The following PCLO variants were observed in gnomAD, a reference collection of about 807,000 sequenced individuals.
The protein encoded by PCLO is piccolo presynaptic cytomatrix protein, also known as protein piccolo.
PCLO carries 82 observed loss-of-function variants against 427.5 expected under a neutral mutation model. The ratio of observed to expected loss-of-function variants is 0.19; its 90% CI spans 0.16 to 0.23. The LOEUF (loss-of-function observed/expected upper bound fraction) is 0.23. Ranked by LOEUF, PCLO falls within the 10% of genes least tolerant of loss-of-function variation. The pLI is 1.00. For synonymous variants in PCLO, 2,357 were observed against 2,155.4 expected (o/e 1.09, Z -2.59); for missense variants, 6,239 against 6,115.9 (o/e 1.02, Z -0.67).
At chr7:82,991,999 C>T (rs1210598351) in intron 3 of PCLO, among the ~76,000 whole-genome samples, 3 of 152,094 alleles carry the variant, frequency 2.0e-5, no homozygotes, top group Non-Finnish European at 4.4e-5. Flanking sequence ...GGGACTCAGA[C>T]ATCTTCTTTT....
At chr7:83,039,847 T>C (rs1788928423) in intron 3 of PCLO, among the ~76,000 whole-genome samples, 1 of 152,150 alleles carries the variant, frequency 6.6e-6, no homozygotes, top group Non-Finnish European at 1.5e-5. Flanking sequence ...TGTCTTTCAG[T>C]AATGTTTTGT....
chr7:82,796,515 T>C (rs1001600232), intron 22 of PCLO, among the ~76,000 whole-genome samples: 4 of 152,184 alleles, frequency 2.6e-5, no homozygotes, highest in Non-Finnish European at 5.9e-5. Context: ...CTTGTTCAAC[T>C]TTCAAAGCAG....
At position 82,845,352 on chromosome 7, in the gene PCLO, T is replaced by C. The variant is rs762444449; in HGVS notation, c.13965A>G (p.Thr4655=). 5.6e-6 allele frequency: 9 copies of C among 1,613,494 alleles called. No individual in the cohort carries two copies. Among genetic ancestry groups the C allele is most frequent in the Non-Finnish European group, 7.6e-6 (9 of 1,179,636 alleles). Residue 4655 remains threonine (T), a synonymous_variant, in exon 13 of 25, where the codon ACA becomes ACG. Coordinates refer to ENST00000333891, the MANE Select transcript of PCLO (RefSeq NM_033026.6). ...TGGGAACGGAACTGGATCCTGCTGA[T>C]GTAGGACCTGAATGAACATGAGATC... The part of the protein sequence containing the change: ...EKGSHVHSGP[T]SAGSSSVPSP...
At chr7:83,109,515 C>A (rs1218162099) in intron 3 of PCLO, among the ~76,000 whole-genome samples, 1 of 152,166 alleles carries the variant, frequency 6.6e-6, no homozygotes, top group East Asian at 1.9e-4. Context: ...ATCTTTCCAG[C>A]TGTCTGGCTT....
intron 20 of PCLO, among the ~76,000 whole-genome samples, chr7:82,811,536 A>G (rs1376953215): frequency 6.6e-6 from 1 of 151,598 alleles, no homozygotes; most frequent in Non-Finnish European, 1.5e-5. Flanking sequence ...TGCCAGCATT[A>G]TTTGGAATGT....
At chr7:83,099,644 G>A (rs1790686779) in intron 3 of PCLO, among the ~76,000 whole-genome samples, 1 of 152,086 alleles carries the variant, frequency 6.6e-6, no homozygotes, top group Non-Finnish European at 1.5e-5. Flanking sequence ...ACCGGCCTCG[G>A]CCTCCTGAAG....
chr7:83,057,760 T>C (rs949451954), intron 3 of PCLO, among the ~76,000 whole-genome samples: 24 of 152,044 alleles, frequency 1.6e-4, no homozygotes, highest in African/African-American at 5.8e-4. Flanking sequence ...TGGAACTTAT[T>C]AAAAATTTTA....
chr7:83,059,380 A>ATATATATATATATATATATATAT (rs33911766), intron 3 of PCLO, among the ~76,000 whole-genome samples: 1 of 83,502 alleles, frequency 1.2e-5, no homozygotes, highest in Non-Finnish European at 2.1e-5. Flanking sequence ...ATATATATAT[A>ATATATATATATATATATATATAT]AAAATGAAAA....
Position 82,915,703 on chromosome 7 carries a change from G to C in PCLO, c.12283C>G (p.Leu4095Val), listed in dbSNP as rs76835434. The C allele has an allele frequency of 6.2e-7, 1 of 1,612,676 alleles. No individual in the cohort carries two copies. Among genetic ancestry groups the C allele is most frequent in the African/African-American group, 1.3e-5 (1 of 75,026 alleles). ...TRRSQEVTDF[L>V]APLQSSSRLH... ...CTAGAGGAAGACTGTAAAGGTGCTAGGAAATCTGTCACTTCTTGAGACCGG... is the reference window on the plus strand; with the variant it reads ...CTAGAGGAAGACTGTAAAGGTGCTACGAAATCTGTCACTTCTTGAGACCGG... The change falls in exon 7 of 25, where the codon CTA becomes GTA. Residue 4095 changes from leucine to valine, a missense_variant. By Grantham distance (32) the Leu-to-Val change is conservative. Coordinates refer to ENST00000333891, the MANE Select transcript of PCLO (RefSeq NM_033026.6).
intron 9 of PCLO, chr7:82,894,384 A>AT (rs1327543876): frequency 6.4e-6 from 1 of 156,184 alleles, no homozygotes; most frequent in Admixed American, 6.5e-5. Context: ...AAAGAGGTTT[A>AT]TAATGGACTT....
intron 6 of PCLO, among the ~76,000 whole-genome samples, chr7:82,925,761 C>T (rs1794699069): frequency 8.1e-6 from 1 of 123,406 alleles, no homozygotes; most frequent in Non-Finnish European, 1.6e-5. Context: ...GCTCTGTTGT[C>T]CAGGCTGAAG....
chr7:82,877,919 G>A (rs1017379184), intron 10 of PCLO, among the ~76,000 whole-genome samples: 12 of 152,066 alleles, frequency 7.9e-5, no homozygotes, highest in African/African-American at 2.9e-4. Flanking sequence ...AGATCTGCCC[G>A]CCTTGGCCTT....
At chr7:83,128,898 A>T (rs577084105) in intron 3 of PCLO, among the ~76,000 whole-genome samples, 1 of 152,210 alleles carries the variant, frequency 6.6e-6, no homozygotes, top group South Asian at 2.1e-4. Flanking sequence ...GCTTCTCTGA[A>T]CCCCTGAATC....
chr7:82,928,537 C>G (rs147196516), intron 6 of PCLO, among the ~76,000 whole-genome samples: 2 of 152,062 alleles, frequency 1.3e-5, no homozygotes, highest in Non-Finnish European at 1.5e-5. Flanking sequence ...CCTGCTACCA[C>G]GCTCGGCTAA....
At chr7:82,849,887 A>G (rs1459529779) in intron 10 of PCLO, among the ~76,000 whole-genome samples, 1 of 152,140 alleles carries the variant, frequency 6.6e-6, no homozygotes. Flanking sequence ...TGTATTATTT[A>G]GTATTATAAG....
chr7:82,834,156 T>G (rs1792167844), intron 16 of PCLO, among the ~76,000 whole-genome samples: 1 of 152,160 alleles, frequency 6.6e-6, no homozygotes, highest in Admixed American at 6.6e-5. Context: ...TATTCTCTCT[T>G]TTATAAGTTA....
At chr7:82,846,441 C>A in intron 12 of PCLO, 126 bp downstream of exon 12, 1 of 642,278 alleles carries the variant, frequency 1.6e-6, no homozygotes, top group South Asian at 1.9e-5. Context: ...AAAATCTATC[C>A]ATAACTTTAT....
At chr7:82,918,477 G>A (rs1312169783) in intron 6 of PCLO, among the ~76,000 whole-genome samples, 2 of 151,828 alleles carry the variant, frequency 1.3e-5, no homozygotes, top group South Asian at 2.1e-4. Context: ...AAGTACACAT[G>A]TAACATGTTG....
At chr7:83,005,900 C>T (rs1001234859) in intron 3 of PCLO, among the ~76,000 whole-genome samples, 1 of 151,516 alleles carries the variant, frequency 6.6e-6, no homozygotes, top group Non-Finnish European at 1.5e-5. Flanking sequence ...CAGCAAATGC[C>T]TTCATTTGTA....
Sources: allele counts gnomAD v4.1 joint callset (sites outside exome capture counted in the v4.1 genomes callset), GRCh38; gene constraint gnomAD v4.1.1; transcripts MANE v1.5; gene names NCBI Gene and HGNC (gene_info 2026-07-23, HGNC 2026-07-21).